Variants in KCTD16 observed in about 807,000 individuals in gnomAD.
The protein encoded by KCTD16 is BTB/POZ domain-containing protein KCTD16.
Under a neutral mutation model 33.2 loss-of-function variants are expected in KCTD16, and 13 were observed. The ratio of observed to expected loss-of-function variants is 0.39; its 90% confidence interval spans 0.25 to 0.62. The LOEUF is 0.62. KCTD16 is among the 20% of genes least tolerant of loss of function. The pLI is 0.50. For synonymous variants in KCTD16, 197 were observed against 195.3 expected, an observed-to-expected ratio of 1.01 and a Z score of -0.07; for missense variants, 441 against 525.1, an observed-to-expected ratio of 0.84 and a Z score of 1.57.
At chr5:144,413,149 A>G (rs1174770529) in intron 3 of KCTD16, among the ~76,000 whole-genome samples, 2 of 152,236 alleles carry the variant, frequency 1.3e-5, no homozygotes, top group Non-Finnish European at 2.9e-5. Context: ...TATAATTACT[A>G]TACTTTTTCA....
In KCTD16 at chr5:144,408,762, T is replaced by C. The variant is rs1243469923; in HGVS notation, c.833-64898T>C. 2.6e-5 allele frequency among the ~76,000 whole-genome samples: 4 copies of C among 152,198 alleles called. No homozygotes were observed. The East Asian group carries it at 7.7e-4, about 29-fold the overall frequency. ...CTGTGACTCCAACTTTATATGATTATCCTCTTTGCTCCCTATACTCCTGTT... is the reference window on the plus strand; with the variant it reads ...CTGTGACTCCAACTTTATATGATTACCCTCTTTGCTCCCTATACTCCTGTT... On this transcript the variant is annotated intron_variant, in intron 3 of 3. Coordinates refer to ENST00000512467, the MANE Select transcript of KCTD16 (RefSeq NM_020768.4).
chr5:144,345,285 C>T (rs747479304), intron 3 of KCTD16, among the ~76,000 whole-genome samples: 48 of 151,808 alleles, frequency 3.2e-4, no homozygotes, highest in Non-Finnish European at 5.9e-4. Context: ...AGCACACCAG[C>T]ATGGCACATG....
At chr5:144,447,884 T>C (rs1335353951) in intron 3 of KCTD16, among the ~76,000 whole-genome samples, 1 of 152,122 alleles carries the variant, frequency 6.6e-6, no homozygotes, top group African/African-American at 2.4e-5. Flanking sequence ...AGTGTGCTTT[T>C]ATCAATGCAG....
At chr5:144,349,734 C>A (rs946614416) in intron 3 of KCTD16, among the ~76,000 whole-genome samples, 2 of 152,132 alleles carry the variant, frequency 1.3e-5, no homozygotes, top group Admixed American at 6.6e-5. Flanking sequence ...GGGTCCTATC[C>A]CTGGCCCAAG....
At chr5:144,258,836 G>A (rs1754920548) in intron 3 of KCTD16, among the ~76,000 whole-genome samples, 1 of 152,146 alleles carries the variant, frequency 6.6e-6, no homozygotes, top group Non-Finnish European at 1.5e-5. Flanking sequence ...ATGGAAACAA[G>A]CTTCATTTGC....
chr5:144,306,528 T>G (rs1425093618), intron 3 of KCTD16, among the ~76,000 whole-genome samples: 4 of 152,234 alleles, frequency 2.6e-5, no homozygotes, highest in African/African-American at 9.6e-5. Flanking sequence ...ATGCCAGTGA[T>G]GGCTTCTGAG....
At chr5:144,430,335 A>G (rs1033949074) in intron 3 of KCTD16, among the ~76,000 whole-genome samples, 2 of 152,182 alleles carry the variant, frequency 1.3e-5, no homozygotes, top group African/African-American at 4.8e-5. Context: ...ACAGGAGGAT[A>G]GAATGATAAG....
At chr5:144,461,185 A>G (rs1353024648) in intron 3 of KCTD16, among the ~76,000 whole-genome samples, 1 of 152,212 alleles carries the variant, frequency 6.6e-6, no homozygotes, top group East Asian at 1.9e-4. Flanking sequence ...GCATGGATGC[A>G]TGCATGTCAC....
intron 3 of KCTD16, among the ~76,000 whole-genome samples, chr5:144,212,212 A>G (rs530302975): frequency 1.3e-5 from 2 of 152,140 alleles, no homozygotes; most frequent in African/African-American, 2.4e-5. Flanking sequence ...AATTTTTCTT[A>G]TTTCTTTAAG....
In KCTD16 at chr5:144,477,269, G is replaced by T. The variant is rs146697251; in HGVS notation, c.*3155G>T. 1.4e-3 allele frequency: 220 copies of T among 152,178 alleles called. 2 individuals carry two copies. Among genetic ancestry groups the T allele is most frequent in the African/African-American group, 4.9e-3 (203 of 41,540 alleles). The allele number at this position is 152,178 out of a possible 1,614,324, so 9.4% of individuals were successfully genotyped here. A position where few individuals can be genotyped will look rare whatever the true frequency, so the allele number is the denominator to read the frequency against. On this transcript the variant is annotated 3_prime_UTR_variant, in exon 4 of 4. Transcript: ENST00000512467. ...AAATGCTGACAAAAAATAATGAAAT[G>T]AAGTGGCTTCCAAAATATGCACTGA...
chr5:144,359,605 C>T (rs1751657148), intron 3 of KCTD16, among the ~76,000 whole-genome samples: 1 of 151,218 alleles, frequency 6.6e-6, no homozygotes, highest in Non-Finnish European at 1.5e-5. Flanking sequence ...CAATATGACC[C>T]CTCCAACACT....
intron 3 of KCTD16, among the ~76,000 whole-genome samples, chr5:144,447,281 A>G (rs1257697743): frequency 6.6e-6 from 1 of 152,162 alleles, no homozygotes; most frequent in African/African-American, 2.4e-5. Flanking sequence ...GCTGGAAACC[A>G]TCATTCTCAG....
intron 3 of KCTD16, among the ~76,000 whole-genome samples, chr5:144,238,575 G>T (rs920950235): frequency 2.6e-5 from 4 of 152,078 alleles, no homozygotes; most frequent in African/African-American, 9.7e-5. Flanking sequence ...GATGGTAACC[G>T]GGCTTTATCT....
intron 3 of KCTD16, among the ~76,000 whole-genome samples, chr5:144,334,935 C>T (rs1752445203): frequency 6.6e-6 from 1 of 152,028 alleles, no homozygotes; most frequent in South Asian, 2.1e-4. Context: ...TACTACCACA[C>T]CTGGCTAATT....
intron 3 of KCTD16, among the ~76,000 whole-genome samples, chr5:144,309,090 A>G (rs954531453): frequency 2.0e-5 from 3 of 152,200 alleles, no homozygotes; most frequent in African/African-American, 7.2e-5. Context: ...GTGATGAACT[A>G]TCACATTTCT....
chr5:144,441,141 C>G (rs1406855662), intron 3 of KCTD16, among the ~76,000 whole-genome samples: 1 of 151,782 alleles, frequency 6.6e-6, no homozygotes, highest in African/African-American at 2.4e-5. Flanking sequence ...GTTGTGAGTT[C>G]TTTATATATT....
intron 3 of KCTD16, among the ~76,000 whole-genome samples, chr5:144,411,809 C>T (rs1580941827): frequency 6.6e-6 from 1 of 152,060 alleles, no homozygotes; most frequent in Non-Finnish European, 1.5e-5. Flanking sequence ...ATAACCACAA[C>T]ATACAAGGAG....
At chr5:144,184,183 A>G (rs1752680863) in intron 2 of KCTD16, among the ~76,000 whole-genome samples, 2 of 151,400 alleles carry the variant, frequency 1.3e-5, no homozygotes, top group African/African-American at 2.5e-5. Context: ...GTGTATTCAC[A>G]TTGTTGTGAA....
At chr5:144,454,613 A>G (rs956072915) in intron 3 of KCTD16, among the ~76,000 whole-genome samples, 1 of 152,184 alleles carries the variant, frequency 6.6e-6, no homozygotes, top group Admixed American at 6.5e-5. Context: ...ATATCATTAC[A>G]GTTTCTCTGG....
Sources: gnomAD v4.1 joint callset for allele counts (sites outside exome capture counted in the v4.1 genomes callset) on GRCh38, gnomAD v4.1.1 for gene constraint, MANE v1.5 for transcripts, NCBI Gene and HGNC (gene_info 2026-07-23, HGNC 2026-07-21) for gene names.